Variants in SDK2 observed in about 807,000 individuals in gnomAD.
SDK2 encodes protein sidekick-2.
A neutral mutation model predicts 253.9 loss-of-function variants in SDK2; 105 were observed. That is an observed-to-expected ratio of 0.41 (90% CI 0.35 to 0.49). The LOEUF (loss-of-function observed/expected upper bound fraction) is 0.49. Ranked by LOEUF, SDK2 falls within the 20% of genes least tolerant of loss-of-function variation. The probability of loss-of-function intolerance (pLI) is 0.06; values close to 1 mark genes in which losing one functional copy is unlikely to be tolerated. For missense variants in SDK2, 2,608 were observed against 3,003.0 expected, an observed-to-expected ratio of 0.87 and a Z score of 3.07; for synonymous variants, 1,249 against 1,234.9, an observed-to-expected ratio of 1.01 and a Z score of -0.24.
At chr17:73,606,813 C>T (rs2045914546) in intron 1 of SDK2, among the ~76,000 whole-genome samples, 1 of 152,134 alleles carries the variant, frequency 6.6e-6, no homozygotes, top group Non-Finnish European at 1.5e-5. Flanking sequence ...AACATATTCT[C>T]CATTCTGGGA....
At position 73,496,142 on chromosome 17, in the gene SDK2, C is replaced by T. The variant is rs2063840236; in HGVS notation, c.224+11296G>A. Among the ~76,000 whole-genome samples, 1 of 152,280 alleles carries T rather than the reference C, an allele frequency of 6.6e-6. No individual in the cohort carries two copies. Among genetic ancestry groups the T allele is most frequent in the Non-Finnish European group, 1.5e-5 (1 of 68,026 alleles). ...GCCTGCCCTGCTGGGTGGGAGTCAGCGTCATGCCCTTGGTGGCTCTCAGAC... is the reference window on the plus strand; with the variant it reads ...GCCTGCCCTGCTGGGTGGGAGTCAGTGTCATGCCCTTGGTGGCTCTCAGAC... On this transcript the variant is annotated intron_variant, in intron 2 of 44. Transcript: ENST00000392650. This position sits in a 1 kb window ranked among gnomAD's most constrained non-coding sequence, Gnocchi z 4.7.
In SDK2 at chr17:73,559,606, C is replaced by CA. The variant is rs1394665856; in HGVS notation, c.65-52010_65-52009insT. ...CCCACTCCGCTCCCTGTGCCCCCCG[C>CA]CCCCGCCACCATACCACACATGTCA... On this transcript the variant is annotated intron_variant, in intron 1 of 44. Coordinates refer to ENST00000392650, the MANE Select transcript of SDK2 (RefSeq NM_001144952.2). Among the ~76,000 whole-genome samples the CA allele has an allele frequency of 4.7e-3, 643 of 138,212 alleles. 21 individuals carry two copies. The highest frequency in any genetic ancestry group is 0.016 in the African/African-American group (551 of 35,224). 90.7% of individuals were successfully genotyped at this position (138,212 alleles called of 152,430 possible). A position where few individuals can be genotyped will look rare whatever the true frequency, so the allele number is the denominator to read the frequency against.
chr17:73,385,882 G>T lies in SDK2; in HGVS notation c.4534C>A (p.Pro1512Thr). The T allele has an allele frequency of 6.2e-7, 1 of 1,609,120 alleles. No homozygotes were observed. Among genetic ancestry groups the T allele is most frequent in the Non-Finnish European group, 8.5e-7 (1 of 1,178,272 alleles). ...ATTAGCACGGAGGTGGTGGTGTGGGGCGTCACGGAGAGGATGGTGGGTGCT... is the reference window on the plus strand; with the variant it reads ...ATTAGCACGGAGGTGGTGGTGTGGGTCGTCACGGAGAGGATGGTGGGTGCT... ...DEAPTILSVT[P>T]HTTTSVLIRW... Residue 1512 changes from proline (P) to threonine (T), a missense_variant, in exon 32 of 45, where the codon CCC becomes ACC. Coordinates refer to ENST00000392650, the MANE Select transcript of SDK2 (RefSeq NM_001144952.2).
intron 27 of SDK2, among the ~76,000 whole-genome samples, chr17:73,393,242 C>CAAAAAAAAAAAA (rs11443969): frequency 1.2e-5 from 1 of 85,540 alleles, no homozygotes; most frequent in Non-Finnish European, 2.2e-5. Context: ...GATACTCTAT[C>CAAAAAAAAAAAA]AAAAAAAAAA....
Position 73,597,888 on chromosome 17 carries a change from G to A in SDK2, c.64+46137C>T, listed in dbSNP as rs572701850. On this transcript the variant is annotated intron_variant, in intron 1 of 44. Coordinates refer to ENST00000392650, the MANE Select transcript of SDK2 (RefSeq NM_001144952.2). ...TTTCGATCTCCTGACCTCGTGATCCGCCCACCTCAGCCTCCCAAAGTGCTG... is the reference window on the plus strand; with the variant it reads ...TTTCGATCTCCTGACCTCGTGATCCACCCACCTCAGCCTCCCAAAGTGCTG... 9.3e-4 allele frequency among the ~76,000 whole-genome samples: 141 copies of A among 152,068 alleles called. 2 individuals carry two copies. Among genetic ancestry groups the A allele is most frequent in the African/African-American group, 3.2e-3 (132 of 41,476 alleles).
chr17:73,387,717 G>T, intron 30 of SDK2, 119 bp downstream of exon 30: 1 of 887,802 alleles, frequency 1.1e-6, no homozygotes, highest in Non-Finnish European at 1.7e-6. Context: ...GTGCATGTAG[G>T]AGGAGAGCTG....
At chr17:73,439,316 C>T (rs913384388) in intron 6 of SDK2, among the ~76,000 whole-genome samples, 1 of 152,174 alleles carries the variant, frequency 6.6e-6, no homozygotes, top group Admixed American at 6.5e-5. Context: ...TTGTAAATTA[C>T]CATGTCTCAG....
intron 24 of SDK2, among the ~76,000 whole-genome samples, chr17:73,397,042 G>A (rs2062976850): frequency 6.6e-6 from 1 of 152,334 alleles, no homozygotes; most frequent in Non-Finnish European, 1.5e-5. Flanking sequence ...TCACAGTGTG[G>A]TGTGTTTGCA....
chr17:73,499,684 G>A (rs1409590419), intron 2 of SDK2, among the ~76,000 whole-genome samples: 1 of 152,196 alleles, frequency 6.6e-6, no homozygotes, highest in Non-Finnish European at 1.5e-5. Flanking sequence ...CAGATCTGCC[G>A]CTCACTCTCT....
chr17:73,401,761 CAAA>C lies in SDK2; in HGVS notation c.2681-12_2681-10del. 6.4e-7 allele frequency: 1 copy of C among 1,565,454 alleles called. No individual in the cohort carries two copies. Among genetic ancestry groups the C allele is most frequent in the East Asian group, 2.3e-5 (1 of 42,612 alleles). On this transcript the variant is annotated splice_polypyrimidine_tract_variant and intron_variant, in intron 19 of 44. Transcript: ENST00000392650. ...TCCCACGGGCCCAGGCACTGCACCC[CAAA>C]AGGAACCCCCACCCCCCAAGGCCAG...
At chr17:73,483,511 AT>A (rs1567798801) in intron 2 of SDK2, among the ~76,000 whole-genome samples, 17 of 44,620 alleles carry the variant, frequency 3.8e-4, no homozygotes, top group Admixed American at 2.8e-4. Context: ...GTGTGTGTGT[AT>A]GTGTGTGTGT....
chr17:73,565,805 T>C lies in SDK2; in HGVS notation c.65-58208A>G, dbSNP rs543498019. ...CTCGTTCTGTTAGAGAGCTAGTTGTTTTTTCTTTTTTTGGTTTGTTTGTTT... is the reference window on the plus strand; with the variant it reads ...CTCGTTCTGTTAGAGAGCTAGTTGTCTTTTCTTTTTTTGGTTTGTTTGTTT... On this transcript the variant is annotated intron_variant, in intron 1 of 44. Transcript: ENST00000392650. 3.4e-3 allele frequency among the ~76,000 whole-genome samples: 514 copies of C among 152,200 alleles called. 3 individuals are homozygous for C. Among genetic ancestry groups the C allele is most frequent in the African/African-American group, 0.011 (473 of 41,564 alleles).
intron 1 of SDK2, among the ~76,000 whole-genome samples, chr17:73,514,557 T>C (rs1024819572): frequency 1.1e-4 from 16 of 152,074 alleles, no homozygotes; most frequent in Non-Finnish European, 1.9e-4. Flanking sequence ...TGGGAATGGG[T>C]CGGTGGGTGG....
At chr17:73,358,004 T>A (rs1219910521) in intron 40 of SDK2, 75 bp downstream of exon 40, 1 of 1,600,970 alleles carries the variant, frequency 6.2e-7, no homozygotes, top group Non-Finnish European at 8.5e-7. Context: ...CAGAGGCAAG[T>A]GCCCCAAGTG....
At chr17:73,343,701 G>A (rs1303711755) in intron 44 of SDK2, among the ~76,000 whole-genome samples, 1 of 152,352 alleles carries the variant, frequency 6.6e-6, no homozygotes, top group African/African-American at 2.4e-5. Context: ...AGGGCCAGAA[G>A]GAGGCAGGAC....
intron 44 of SDK2, among the ~76,000 whole-genome samples, chr17:73,343,074 G>C (rs1450709575): frequency 6.6e-6 from 1 of 152,220 alleles, no homozygotes; most frequent in Non-Finnish European, 1.5e-5. Flanking sequence ...ACAGAGGCAT[G>C]TCCGGACTGG....
intron 2 of SDK2, among the ~76,000 whole-genome samples, chr17:73,504,981 G>A (rs1015041951): frequency 4.6e-5 from 7 of 152,242 alleles, no homozygotes; most frequent in Non-Finnish European, 7.4e-5. Context: ...CAGGCACACC[G>A]TTGCCCCCAG....
chr17:73,547,037 C>T (rs1263236730), intron 1 of SDK2, among the ~76,000 whole-genome samples: 1 of 152,248 alleles, frequency 6.6e-6, no homozygotes, highest in Non-Finnish European at 1.5e-5. Flanking sequence ...TTCCCTCCCT[C>T]CTCTGTATGC....
rs369325667 is a variant in SDK2, at chr17:73,443,195, T to C, written c.614-2272A>G. Reference sequence around the variant, plus strand: ...CCCCTCTGGGCCACCTTGTCAGCCCTGGGCAGGTTTTCCTTCCTTGACTCC... The same window carrying C: ...CCCCTCTGGGCCACCTTGTCAGCCCCGGGCAGGTTTTCCTTCCTTGACTCC... On this transcript the variant is annotated intron_variant, in intron 5 of 44. Transcript: ENST00000392650. This position sits in a 1 kb window ranked among gnomAD's most constrained non-coding sequence, Gnocchi z 4.6. 8.1e-4 allele frequency among the ~76,000 whole-genome samples: 123 copies of C among 152,282 alleles called. No homozygotes were observed. The highest frequency in any genetic ancestry group is 3.4e-3 in the Middle Eastern group (1 of 294).
Sources: gnomAD v4.1 joint callset for allele counts (sites outside exome capture counted in the v4.1 genomes callset) on GRCh38, gnomAD v4.1.1 for gene constraint, Gnocchi (gnomAD v3.1) non-coding constraint, MANE v1.5 for transcripts, NCBI Gene and HGNC (gene_info 2026-07-23, HGNC 2026-07-21) for gene names.